The following TMEM223 variants were observed in gnomAD, a reference collection of about 807,000 sequenced individuals.
The protein encoded by TMEM223 is transmembrane protein 223.
Under a neutral mutation model 14.1 loss-of-function variants are expected in TMEM223, and 14 were observed. The observed-to-expected ratio is 0.99, with a 90% confidence interval of 0.66 to 1.55. TMEM223 has a LOEUF of 1.55. Ranked by LOEUF, TMEM223 falls within the 40% of genes most tolerant of loss-of-function variation. TMEM223 has a pLI of 0.00. For missense variants in TMEM223, 346 were observed against 269.9 expected, an observed-to-expected ratio of 1.28 and a Z score of -1.97; for synonymous variants, 145 against 120.5, an observed-to-expected ratio of 1.20 and a Z score of -1.33.
At chr11:62,772,947 G>A (rs935778728) in intron 2 of TMEM223, among the ~76,000 whole-genome samples, 1 of 150,806 alleles carries the variant, frequency 6.6e-6, no homozygotes, top group South Asian at 2.1e-4. Flanking sequence ...GTGCAATCTC[G>A]GCTCACTGCA....
In TMEM223 at chr11:62,791,988, C is replaced by T. The variant is rs771059806; in HGVS notation, c.7G>A (p.Ala3Thr). 4 of 1,532,008 alleles carry T rather than the reference C, an allele frequency of 2.6e-6. No individual in the cohort carries two copies. The African/African-American group carries it at 4.1e-5, about 16-fold the overall frequency. The allele number at this position is 1,532,008 out of a possible 1,614,324, so 94.9% of individuals were successfully genotyped here. Reference sequence around the variant, plus strand: ...CCCGTGGGCCATCGCCTCCAAGGCGCCGCCATGGCCAGCCGACTTCCGGGG... The same window carrying T: ...CCCGTGGGCCATCGCCTCCAAGGCGTCGCCATGGCCAGCCGACTTCCGGGG... MA[A>T]PWRRWPTGLL... The change falls in exon 1 of 2, where the codon GCG (alanine) becomes ACG (threonine). Residue 3 changes from alanine to threonine, a missense_variant. Coordinates refer to ENST00000307366, the MANE Select transcript of TMEM223 (RefSeq NM_001080501.3).
downstream of TMEM223, chr11:62,782,614 A>G (rs1590936817): frequency 7.0e-6 from 11 of 1,567,688 alleles, no homozygotes; most frequent in East Asian, 9.0e-5. Flanking sequence ...TACAGATGCT[A>G]TTCTCTTTGT....
downstream of TMEM223, among the ~76,000 whole-genome samples, chr11:62,785,556 ACGGAGTCTC>A (rs1056455997): frequency 7.0e-6 from 1 of 142,794 alleles, no homozygotes; most frequent in African/African-American, 2.6e-5. Flanking sequence ...TTTTTTTGAG[ACGGAGTCTC>A]ACTTTGCTTC....
chr11:62,787,305 C>A, downstream of TMEM223: 4 of 1,527,790 alleles, frequency 2.6e-6, no homozygotes, highest in Non-Finnish European at 2.6e-6. Flanking sequence ...GAGTCAGTGG[C>A]CCCTTCGTTC....
downstream of TMEM223, chr11:62,786,920 G>C (rs907890241): frequency 3.3e-6 from 5 of 1,493,236 alleles, no homozygotes; most frequent in East Asian, 1.4e-4. Context: ...AGCCCGCACG[G>C]CGACGAGAGC....
chr11:62,780,552 A>G (rs769856953), intron 1 of TMEM223, among the ~76,000 whole-genome samples: 4 of 152,062 alleles, frequency 2.6e-5, no homozygotes, highest in African/African-American at 4.8e-5. Flanking sequence ...CCTGGCTGAT[A>G]GAACGAAACT....
chr11:62,773,448 AT>A (rs112592058), intron 2 of TMEM223, among the ~76,000 whole-genome samples: 1,484 of 135,694 alleles, frequency 0.011, 15 homozygotes, highest in African/African-American at 0.034. Flanking sequence ...CCGGCCTACA[AT>A]TTTTTTTTTT....
At chr11:62,788,817 A>G (rs2084322751), downstream of TMEM223, among the ~76,000 whole-genome samples, 1 of 151,992 alleles carries the variant, frequency 6.6e-6, no homozygotes. Context: ...TTCATTGCCT[A>G]TTTTCTGATC....
downstream of TMEM223, chr11:62,785,954 A>C: frequency 4.6e-6 from 1 of 217,112 alleles, no homozygotes; most frequent in Non-Finnish European, 9.3e-6. Flanking sequence ...GCCTGATTGT[A>C]TAGGGTAGCA....
chr11:62,777,243 C>G (rs2084194452), intron 1 of TMEM223, among the ~76,000 whole-genome samples: 1 of 152,050 alleles, frequency 6.6e-6, no homozygotes, highest in Non-Finnish European at 1.5e-5. Context: ...AGGAGAATCG[C>G]TTGAAACTGG....
chr11:62,787,951 G>A (rs1332818071), downstream of TMEM223: 1 of 481,848 alleles, frequency 2.1e-6, no homozygotes, highest in Admixed American at 2.3e-5. Flanking sequence ...AGCACAGTGT[G>A]TTAAATGACA....
At chr11:62,788,293 C>T (rs1297614860), downstream of TMEM223, among the ~76,000 whole-genome samples, 1 of 152,004 alleles carries the variant, frequency 6.6e-6, no homozygotes, top group Non-Finnish European at 1.5e-5. Context: ...ATCCCAGCTA[C>T]TTCGGAGGCT....
Position 62,779,952 on chromosome 11 carries a change from CTATATA to C in TMEM223, c.315-5293_315-5288del, listed in dbSNP as rs1225374367. On this transcript the variant is annotated intron_variant, in intron 1 of 2. Coordinates refer to the TMEM223 transcript ENST00000528367. ...AAGTGGTGGGATTACAGGCGTGAGC[CTATATA>C]TATATATATATATATATATTTTTTT... Among the ~76,000 whole-genome samples, 456 of 100,010 alleles carry C rather than the reference CTATATA, an allele frequency of 4.6e-3. 14 individuals carry two copies. The highest frequency in any genetic ancestry group is 0.02 in the African/African-American group (441 of 22,392). The allele number at this position is 100,010 out of a possible 152,430, so 65.6% of individuals were successfully genotyped here.
Position 62,790,367 on chromosome 11 carries a change from T to TTTG in TMEM223, c.*253_*255dup. 1.8e-6 allele frequency: 1 copy of TTTG among 552,022 alleles called. No individual in the cohort carries two copies. Among genetic ancestry groups the TTTG allele is most frequent in the African/African-American group, 1.9e-5 (1 of 52,916 alleles). 34.2% of individuals were successfully genotyped at this position (552,022 alleles called of 1,614,324 possible). On this transcript the variant is annotated 3_prime_UTR_variant, in exon 2 of 2. Transcript: ENST00000307366. The stretch of plus-strand genomic sequence containing the variant: ...TGCCCTAGGGATGACTGCTCCTTTA[T>TTTG]TTGTTGTTAATGAATCTTGACCTCC...
downstream of TMEM223, chr11:62,787,712 A>G (rs1224354689): frequency 6.5e-6 from 5 of 772,842 alleles, no homozygotes; most frequent in Non-Finnish European, 6.2e-6. Flanking sequence ...CCTCCTGGCC[A>G]GGTCATACTT....
chr11:62,778,916 C>T, intron 1 of TMEM223: 1 of 1,614,092 alleles, frequency 6.2e-7, no homozygotes, highest in Non-Finnish European at 8.5e-7. Flanking sequence ...CAAGTACTAT[C>T]ACCAGGTGAC....
chr11:62,790,948 T>C, intron 1 of TMEM223, 33 bp from the exon 2 acceptor site: 1 of 1,503,854 alleles, frequency 6.6e-7, no homozygotes, highest in Non-Finnish European at 8.9e-7. Flanking sequence ...GGTGAGGGGT[T>C]TTCACTGGGC....
At chr11:62,778,825 G>T in intron 1 of TMEM223, 1 of 1,550,178 alleles carries the variant, frequency 6.5e-7, no homozygotes, top group Non-Finnish European at 8.9e-7. Flanking sequence ...CCAGGAGAGG[G>T]CCAGCTCTCC....
chr11:62,785,644 C>T (rs1325812338), downstream of TMEM223, among the ~76,000 whole-genome samples: 1 of 151,812 alleles, frequency 6.6e-6, no homozygotes, highest in Admixed American at 6.6e-5. Flanking sequence ...AAGTGATTCT[C>T]CTGCCTCAGC....
Sources: gnomAD v4.1 joint callset for allele counts (sites outside exome capture counted in the v4.1 genomes callset) on GRCh38, gnomAD v4.1.1 for gene constraint, MANE v1.5 for transcripts, NCBI Gene and HGNC (gene_info 2026-07-23, HGNC 2026-07-21) for gene names.